YLPM1: variants seen among roughly 807,000 people sequenced by gnomAD.
The protein encoded by YLPM1 is YLP motif-containing protein 1.
A neutral mutation model predicts 230.0 loss-of-function variants in YLPM1; 99 were observed. The observed-to-expected ratio is 0.43, with a 90% CI of 0.37 to 0.51. The LOEUF is 0.51. YLPM1 is among the 20% of genes least tolerant of loss of function. The pLI, the probability that YLPM1 is intolerant of heterozygous loss-of-function variation, is 0.00. For missense variants in YLPM1, 2,592 were observed against 2,707.7 expected, an observed-to-expected ratio of 0.96 and a Z score of 0.95; for synonymous variants, 984 against 942.5, an observed-to-expected ratio of 1.04 and a Z score of -0.81.
Position 74,763,747 on chromosome 14 carries a change from G to GGAAATAAGACAACTGT in YLPM1, c.258_259insGAAATAAGACAACTGT (p.Pro87GlufsTer67). On this transcript the variant is annotated frameshift_variant, in exon 1 of 21. Transcript: ENST00000325680. LOFTEE classifies it high-confidence loss of function. ...CCCACCACCTTCCTCCGCCCCCTCT[G>GGAAATAAGACAACTGT]CCGCCCCCGCCAGTGATGCCGGGGG... is the stretch of plus-strand genomic sequence containing the variant. 1.3e-6 allele frequency: 2 copies of GGAAATAAGACAACTGT among 1,508,338 alleles called. No individual in the cohort carries two copies. Among genetic ancestry groups the GGAAATAAGACAACTGT allele is most frequent in the East Asian group, 2.3e-5 (1 of 43,032 alleles). The allele number at this position is 1,508,338 out of a possible 1,614,324, so 93.4% of individuals were successfully genotyped here.
Position 74,763,998 on chromosome 14 carries a change from C to T in YLPM1, c.509C>T (p.Pro170Leu), listed in dbSNP as rs747735348. The change falls in exon 1 of 21, where the codon CCG becomes CTG. Residue 170 changes from proline to leucine, a missense_variant. By Grantham distance (98) the Pro-to-Leu change is moderately conservative. Transcript: ENST00000325680. ...CAGTCTTACATGCCCCCACCTCAGC[C>T]GCCACCCTCTTACTACCCCCCGACC... ...PSQSYMPPPQPPPSYYPPTSS... is the reference protein window; with the variant it reads ...PSQSYMPPPQLPPSYYPPTSS... 8 of 1,601,122 alleles carry T rather than the reference C, an allele frequency of 5.0e-6. No individual in the cohort carries two copies. The South Asian group carries it at 5.5e-5, about 11-fold the overall frequency.
Position 74,798,062 on chromosome 14 carries a change from C to T in YLPM1, c.2765C>T (p.Ser922Phe), listed in dbSNP as rs763592976. The T allele has an allele frequency of 2.5e-6, 4 of 1,613,876 alleles. 1 individual carries two copies. The South Asian group carries it at 4.4e-5, about 18-fold the overall frequency. The stretch of plus-strand genomic sequence containing the variant: ...GTCTCGGAAGGGCCCGTAGAGCCCT[C>T]TAATTGGGACCAGAATGTTCAAAGT... ...SEVSEGPVEP[S>F]NWDQNVQSME... The change falls in exon 5 of 21, where the codon TCT (serine) becomes TTT (phenylalanine). Residue 922 changes from serine to phenylalanine, a missense_variant. This residue lies in a region of YLPM1 where 1,862 missense variants were observed against 1,819.8 expected (regional missense o/e 1.02). Transcript: ENST00000325680.
chr14:74,835,179 C>T (rs2091634522), intron 19 of YLPM1, 86 bp from the exon 20 acceptor site: 2 of 1,494,060 alleles, frequency 1.3e-6, no homozygotes, highest in South Asian at 1.3e-5. Context: ...ATGAGTCATT[C>T]TACCCCTTAG....
intron 1 of YLPM1, among the ~76,000 whole-genome samples, chr14:74,768,309 G>T (rs1418354799): frequency 1.3e-5 from 2 of 152,160 alleles, no homozygotes; most frequent in Non-Finnish European, 2.9e-5. Context: ...GAGTGCAGTG[G>T]TGAAATCTCG....
chr14:74,826,614 A>G (rs543841577), intron 18 of YLPM1, among the ~76,000 whole-genome samples: 2 of 152,336 alleles, frequency 1.3e-5, no homozygotes, highest in East Asian at 3.9e-4. Flanking sequence ...TTCTTGGTCT[A>G]TGCTCATTAA....
At chr14:74,825,611 C>A (rs896059345) in intron 18 of YLPM1, among the ~76,000 whole-genome samples, 11 of 152,008 alleles carry the variant, frequency 7.2e-5, no homozygotes, top group African/African-American at 2.7e-4. Flanking sequence ...CTGCTTATTT[C>A]GACGTTAGAT....
chr14:74,799,288 C>G lies in YLPM1; in HGVS notation c.3991C>G (p.Leu1331Val). The part of the protein sequence containing the change: ...SQFRERDIPS[L>V]PPLPPLPPLP... ...GTTTCGTGAACGGGATATTCCATCT[C>G]TTCCACCTTTACCGCCCCTCCCACC... Residue 1331 changes from leucine to valine, a missense_variant, in exon 5 of 21, where the codon CTT (leucine) becomes GTT (valine). By Grantham distance (32) the Leu-to-Val change is conservative. Transcript: ENST00000325680. The G allele has an allele frequency of 6.2e-7, 1 of 1,614,008 alleles. No individual in the cohort carries two copies.
At chr14:74,773,371 C>A (rs2090998881) in intron 1 of YLPM1, among the ~76,000 whole-genome samples, 1 of 152,106 alleles carries the variant, frequency 6.6e-6, no homozygotes, top group African/African-American at 2.4e-5. Flanking sequence ...GTTCTTAACC[C>A]TGGTCTGGAT....
At chr14:74,820,952 T>C in intron 16 of YLPM1, 105 bp from the exon 17 acceptor site, 8 of 1,252,992 alleles carry the variant, frequency 6.4e-6, no homozygotes, top group Non-Finnish European at 8.3e-6. Context: ...ACAGTGAGCC[T>C]GTCTTGCTCT....
chr14:74,816,161 C>T lies in YLPM1; in HGVS notation c.5503-42C>T, dbSNP rs776826289. On this transcript the variant is annotated intron_variant, in intron 11 of 20. Coordinates refer to ENST00000325680, the MANE Select transcript of YLPM1 (RefSeq NM_019589.3). ...CTGTTATCTCATTGCAGAAAATTTT[C>T]TCTCAGTGATTTTTTTTTTTTTTTG... The T allele has an allele frequency of 3.3e-6, 5 of 1,531,318 alleles. No individual in the cohort carries two copies. In the South Asian group the frequency reaches 4.8e-5, roughly 15 times the overall value. The allele number at this position is 1,531,318 out of a possible 1,614,324, so 94.9% of individuals were successfully genotyped here.
In YLPM1 at chr14:74,778,765, GA is replaced by G. The variant is rs1198251472; in HGVS notation, c.1110+83del. 8.4e-6 allele frequency: 11 copies of G among 1,303,582 alleles called. No homozygotes were observed. In the Admixed American group the frequency reaches 8.5e-5, roughly 10 times the overall value. The allele number at this position is 1,303,582 out of a possible 1,614,324, so 80.8% of individuals were successfully genotyped here. A position where few individuals can be genotyped will look rare whatever the true frequency, so the allele number is the denominator to read the frequency against. On this transcript the variant is annotated intron_variant, in intron 2 of 20. Coordinates refer to ENST00000325680, the MANE Select transcript of YLPM1 (RefSeq NM_019589.3). Reference sequence around the variant, plus strand: ...ATTTAGTATACTTTTATCATAAATGGATATATATTTTTGTTTTTTTAGGTAC... The same window carrying G: ...ATTTAGTATACTTTTATCATAAATGGTATATATTTTTGTTTTTTTAGGTAC...
intron 4 of YLPM1, among the ~76,000 whole-genome samples, chr14:74,785,884 T>C (rs7154256): frequency 0.36 from 54,251 of 152,120 alleles, 11,701 homozygotes; most frequent in East Asian, 0.54. Context: ...GGAGCTGTTT[T>C]GACACTGTGT....
chr14:74,835,720 A>G lies in YLPM1; in HGVS notation c.*37-55A>G, dbSNP rs886895128. On this transcript the variant is annotated intron_variant, in intron 20 of 20. Coordinates refer to ENST00000325680, the MANE Select transcript of YLPM1 (RefSeq NM_019589.3). Reference sequence around the variant, plus strand: ...CTGAAATGATGTTATACTAAGGGCTACTGAACTTTTTGCCTGTTCTTTCCA... The same window carrying G: ...CTGAAATGATGTTATACTAAGGGCTGCTGAACTTTTTGCCTGTTCTTTCCA... The G allele has an allele frequency of 8.2e-5, 34 of 415,676 alleles. 1 individual carries two copies. Among genetic ancestry groups the G allele is most frequent in the South Asian group, 6.1e-4 (31 of 51,000 alleles). 25.7% of individuals were successfully genotyped at this position (415,676 alleles called of 1,614,324 possible). A position where few individuals can be genotyped will look rare whatever the true frequency, so the allele number is the denominator to read the frequency against.
chr14:74,828,688 A>T (rs753321347), intron 18 of YLPM1, among the ~76,000 whole-genome samples: 3 of 152,162 alleles, frequency 2.0e-5, no homozygotes, highest in Admixed American at 6.6e-5. Context: ...ATTCATGGTG[A>T]ATGCACTCAC....
intron 1 of YLPM1, 100 bp downstream of exon 1, chr14:74,764,462 A>C: frequency 2.2e-6 from 3 of 1,364,292 alleles, no homozygotes; most frequent in Non-Finnish European, 2.9e-6. Flanking sequence ...CCAACACACA[A>C]TGACTAGCTA....
rs79146120 is a variant in YLPM1 at position 74,768,542 on chromosome 14, C to T, written c.873+4180C>T. 4.4e-3 allele frequency among the ~76,000 whole-genome samples: 669 copies of T among 152,218 alleles called. 2 individuals carry two copies. The highest frequency in any genetic ancestry group is 7.8e-3 in the Non-Finnish European group (529 of 67,996). ...GATTATAGACGTGAGCCACTGCGCC[C>T]GGTCGGAATGTGTCTTTTTGAATAA... is the stretch of plus-strand genomic sequence containing the variant. On this transcript the variant is annotated intron_variant, in intron 1 of 20. Coordinates refer to ENST00000325680, the MANE Select transcript of YLPM1 (RefSeq NM_019589.3).
chr14:74,812,861 T>G (rs1046222869), intron 11 of YLPM1, 79 bp downstream of exon 11: 3 of 1,475,842 alleles, frequency 2.0e-6, no homozygotes, highest in African/African-American at 2.8e-5. Flanking sequence ...AAGAATTTCT[T>G]TATTTTTCTG....
Position 74,778,495 on chromosome 14 carries a change from AG to A in YLPM1, c.924del (p.Thr309GlnfsTer14). On this transcript the variant is annotated frameshift_variant, in exon 2 of 21. Coordinates refer to ENST00000325680, the MANE Select transcript of YLPM1 (RefSeq NM_019589.3). LOFTEE classifies it high-confidence loss of function. The stretch of plus-strand genomic sequence containing the variant: ...ACAGCACTTGCTTAGTTTGCAACAG[AG>A]GACAAAAGTTCATTTGCCAGGACAC... ...YRQHLLSLQQ[R>X]TKVHLPGHKK... 6.2e-7 allele frequency: 1 copy of A among 1,609,214 alleles called. No individual in the cohort carries two copies. The highest frequency in any genetic ancestry group is 2.2e-5 in the East Asian group (1 of 44,802).
At position 74,803,124 on chromosome 14, in the gene YLPM1, A is replaced by AT. The variant is rs765774276; in HGVS notation, c.4521+449dup. 1.6e-4 allele frequency among the ~76,000 whole-genome samples: 24 copies of AT among 151,552 alleles called. No homozygotes were observed. The East Asian group carries it at 4.3e-3, about 27-fold the overall frequency. ...AAAAAAAAAAAAAGTCCTGTTTTCC[A>AT]TCTAGGCAGGGCTAGATGTGGGCCT... On this transcript the variant is annotated intron_variant, in intron 6 of 20. Coordinates refer to ENST00000325680, the MANE Select transcript of YLPM1 (RefSeq NM_019589.3).
Sources: gnomAD v4.1 joint callset for allele counts (sites outside exome capture counted in the v4.1 genomes callset) on GRCh38, gnomAD v4.1.1 for gene constraint, gnomAD v4.1.1 regional missense constraint, MANE v1.5 for transcripts, NCBI Gene and HGNC (gene_info 2026-07-23, HGNC 2026-07-21) for gene names.